The following PMM2 variants were observed in gnomAD, a reference collection of about 807,000 sequenced individuals.
The protein encoded by PMM2 is mannose-6-phosphate isomerase.
A neutral mutation model predicts 33.2 loss-of-function variants in PMM2; 35 were observed. The ratio of observed to expected loss-of-function variants is 1.06; its 90% CI spans 0.81 to 1.40. The LOEUF (loss-of-function observed/expected upper bound fraction) is 1.40, where lower values mean the gene tolerates loss of function less well. Among genes scored for constraint, PMM2 ranks in the 40% most tolerant of loss-of-function variants. The pLI is 0.00. For synonymous variants in PMM2, 153 were observed against 114.7 expected (o/e 1.33, Z -2.13); for missense variants, 386 against 306.0 (o/e 1.26, Z -1.95).
chr16:8,820,130 G>A (rs1437135998), intron 7 of PMM2, among the ~76,000 whole-genome samples: 2 of 152,204 alleles, frequency 1.3e-5, no homozygotes, highest in Non-Finnish European at 2.9e-5. Context: ...CCGGGAGGCG[G>A]AGGTTGCAGT....
rs1216879146 is a variant in PMM2 at position 8,847,980 on chromosome 16, A to G, written c.*155A>G. 2 of 633,278 alleles carry G rather than the reference A, an allele frequency of 3.2e-6. No homozygotes were observed. Among genetic ancestry groups the G allele is most frequent in the East Asian group, 2.8e-5 (1 of 36,206 alleles). The allele number at this position is 633,278 out of a possible 1,614,324, so 39.2% of individuals were successfully genotyped here. ...ATGTGCAGTCTGGACTTCCACCTCC[A>G]GTGCCAGAAACTTCCAGAAGGAAGG... On this transcript the variant is annotated 3_prime_UTR_variant, in exon 8 of 8. Coordinates refer to ENST00000268261, the MANE Select transcript of PMM2 (RefSeq NM_000303.3).
intron 7 of PMM2, among the ~76,000 whole-genome samples, chr16:8,839,417 T>G (rs1213190736): frequency 1.3e-5 from 2 of 151,848 alleles, no homozygotes; most frequent in Non-Finnish European, 2.9e-5. Context: ...TGTCAGAGGT[T>G]GTAATGGGGA....
intron 1 of PMM2, among the ~76,000 whole-genome samples, chr16:8,800,714 C>T (rs1372745342): frequency 3.4e-5 from 5 of 148,358 alleles, no homozygotes; most frequent in Non-Finnish European, 5.9e-5. Flanking sequence ...GACGAAGTCT[C>T]GCTCTGTGAC....
At chr16:8,844,450 G>A (rs12928695) in intron 7 of PMM2, among the ~76,000 whole-genome samples, 43,539 of 151,904 alleles carry the variant, frequency 0.29, 6,395 homozygotes, top group South Asian at 0.34. Context: ...CAGAAAAGCG[G>A]GACTTGCCGC....
chr16:8,841,564 A>AT (rs528310630), intron 7 of PMM2, among the ~76,000 whole-genome samples: 1,530 of 143,656 alleles, frequency 0.011, 32 homozygotes, highest in African/African-American at 0.037. Context: ...TTGAGGATAG[A>AT]TTTCCACGAT....
At chr16:8,839,271 C>A (rs1281038900) in intron 7 of PMM2, among the ~76,000 whole-genome samples, 1 of 151,914 alleles carries the variant, frequency 6.6e-6, no homozygotes, top group Non-Finnish European at 1.5e-5. Flanking sequence ...CAGGTAGACA[C>A]ATGTTAGGTA....
intron 7 of PMM2, among the ~76,000 whole-genome samples, chr16:8,813,584 G>A (rs2060689999): frequency 6.6e-6 from 1 of 152,196 alleles, no homozygotes; most frequent in Non-Finnish European, 1.5e-5. Context: ...GAGGCCAAGT[G>A]AGTCCCAGGC....
chr16:8,844,830 G>T (rs1033719190), intron 7 of PMM2, among the ~76,000 whole-genome samples: 2 of 152,222 alleles, frequency 1.3e-5, no homozygotes, highest in African/African-American at 4.8e-5. Flanking sequence ...AAAGGAGAAA[G>T]ACGGTGAGGG....
At chr16:8,804,031 G>GTTTTTTTTGTT (rs2060631723) in intron 2 of PMM2, among the ~76,000 whole-genome samples, 2 of 87,490 alleles carry the variant, frequency 2.3e-5, no homozygotes, top group Admixed American at 2.5e-4. Context: ...GGTTTTTTTT[G>GTTTTTTTTGTT]TTTTTTTTTT....
chr16:8,837,844 C>T (rs1267582234), intron 7 of PMM2, among the ~76,000 whole-genome samples: 2 of 152,070 alleles, frequency 1.3e-5, no homozygotes, highest in African/African-American at 4.8e-5. Context: ...AGTGATTAAA[C>T]ACCAAGGGAA....
intron 7 of PMM2, among the ~76,000 whole-genome samples, chr16:8,844,756 T>C (rs2060913892): frequency 6.6e-6 from 1 of 152,192 alleles, no homozygotes. Flanking sequence ...CCTTTGTCTC[T>C]ACCAGAAAAT....
chr16:8,826,390 ACT>A (rs1314278758), intron 7 of PMM2, among the ~76,000 whole-genome samples: 4 of 152,174 alleles, frequency 2.6e-5, no homozygotes, highest in South Asian at 2.1e-4. Context: ...ATAAAGTCTG[ACT>A]CTCTCTGGCC....
intron 7 of PMM2, among the ~76,000 whole-genome samples, chr16:8,827,891 T>TATA (rs2060784820): frequency 1.8e-4 from 10 of 54,086 alleles, no homozygotes; most frequent in East Asian, 1.1e-3. Flanking sequence ...TAATATATGA[T>TATA]ATATATGATA....
intron 7 of PMM2, among the ~76,000 whole-genome samples, chr16:8,827,789 TATATTTATAC>T (rs2060781067): frequency 1.4e-5 from 1 of 69,688 alleles, no homozygotes; most frequent in African/African-American, 5.2e-5. Flanking sequence ...TATATTTATA[TATATTTATAC>T]ATATTTATAT....
intron 7 of PMM2, among the ~76,000 whole-genome samples, chr16:8,841,572 G>C (rs1443503469): frequency 1.4e-5 from 2 of 144,758 alleles, no homozygotes; most frequent in Non-Finnish European, 3.0e-5. Context: ...AGATTTCCAC[G>C]ATGGAAAGGA....
chr16:8,847,291 C>G (rs2060932707), intron 7 of PMM2, among the ~76,000 whole-genome samples: 1 of 151,818 alleles, frequency 6.6e-6, no homozygotes, highest in Non-Finnish European at 1.5e-5. Context: ...CGTCCCTCAT[C>G]ACAGGAATAT....
intron 7 of PMM2, among the ~76,000 whole-genome samples, chr16:8,820,168 G>A (rs2060729722): frequency 6.6e-6 from 1 of 152,128 alleles, no homozygotes; most frequent in Non-Finnish European, 1.5e-5. Context: ...TTGCACTCCA[G>A]GCTGGGCAAC....
At chr16:8,847,560 T>C (rs2060935489) in intron 7 of PMM2, 164 bp from the exon 8 acceptor site, 1 of 650,340 alleles carries the variant, frequency 1.5e-6, no homozygotes, top group Non-Finnish European at 2.8e-6. Context: ...TAATAACAAT[T>C]GTACTCACGT....
intron 7 of PMM2, chr16:8,832,140 C>A (rs896607445): frequency 2.7e-5 from 27 of 985,226 alleles, no homozygotes; most frequent in Middle Eastern, 1.0e-3. Context: ...TATGCAAGCT[C>A]GACACAGCCC....
Sources: gnomAD v4.1 joint callset for allele counts (sites outside exome capture counted in the v4.1 genomes callset) on GRCh38, gnomAD v4.1.1 for gene constraint, MANE v1.5 for transcripts, NCBI Gene and HGNC (gene_info 2026-07-23, HGNC 2026-07-21) for gene names.